DNAAF9: variants seen among roughly 807,000 people sequenced by gnomAD.
DNAAF9 encodes shulin.
In DNAAF9, 90 loss-of-function variants were observed where a neutral mutation model predicts 167.0. The observed-to-expected ratio is 0.54, with a 90% CI of 0.45 to 0.64. DNAAF9 has a LOEUF of 0.64. DNAAF9 is among the 30% of genes least tolerant of loss of function. The pLI, the probability that DNAAF9 is intolerant of heterozygous loss-of-function variation, is 0.00. For synonymous variants in DNAAF9, 491 were observed against 508.8 expected, an observed-to-expected ratio of 0.96 and a Z score of 0.47; for missense variants, 1,315 against 1,442.2, an observed-to-expected ratio of 0.91 and a Z score of 1.43.
chr20:3,271,626 T>C (rs2068594506), intron 29 of DNAAF9, among the ~76,000 whole-genome samples: 1 of 128,966 alleles, frequency 7.8e-6, no homozygotes, highest in South Asian at 2.3e-4. Flanking sequence ...TTACTTCTTC[T>C]TTTTTTTTTT....
rs2068203164 is a variant in DNAAF9, at chr20:3,252,125, T to C, written c.*447A>G. On this transcript the variant is annotated 3_prime_UTR_variant, in exon 37 of 37. Transcript: ENST00000252032. ...GAGGCAGGCACTCCACTGGGGAAGA[T>C]GGCTCTCGTGGAGCAGCATCTGAGG... The C allele has an allele frequency of 1.3e-5, 2 of 157,432 alleles. No homozygotes were observed. Among genetic ancestry groups the C allele is most frequent in the Admixed American group, 6.3e-5 (1 of 15,912 alleles). The allele number at this position is 157,432 out of a possible 1,614,324, so 9.8% of individuals were successfully genotyped here.
At chr20:3,383,463 T>C (rs2083691550) in intron 1 of DNAAF9, among the ~76,000 whole-genome samples, 1 of 151,904 alleles carries the variant, frequency 6.6e-6, no homozygotes, top group South Asian at 2.1e-4. Context: ...AGATGGAGTT[T>C]TGCCATGTTG....
chr20:3,274,022 C>T (rs776741588), intron 29 of DNAAF9, among the ~76,000 whole-genome samples: 23 of 152,078 alleles, frequency 1.5e-4, no homozygotes, highest in Admixed American at 3.3e-4. Flanking sequence ...AACATTTTAT[C>T]ATCCTAGTCC....
At chr20:3,325,820 G>C (rs2069700405) in intron 13 of DNAAF9, among the ~76,000 whole-genome samples, 1 of 151,438 alleles carries the variant, frequency 6.6e-6, no homozygotes, top group Non-Finnish European at 1.5e-5. Flanking sequence ...CTGAGTTATA[G>C]GAAATCAAAC....
chr20:3,279,428 G>A (rs958537293), intron 28 of DNAAF9, among the ~76,000 whole-genome samples: 2 of 152,160 alleles, frequency 1.3e-5, no homozygotes, highest in Non-Finnish European at 2.9e-5. Context: ...TGAAAAGCAG[G>A]AAACTGACCA....
At chr20:3,381,011 G>T (rs946601691) in intron 3 of DNAAF9, among the ~76,000 whole-genome samples, 1 of 152,180 alleles carries the variant, frequency 6.6e-6, no homozygotes, top group Non-Finnish European at 1.5e-5. Flanking sequence ...CTGCCTGCAG[G>T]CCCATCCTTA....
intron 21 of DNAAF9, among the ~76,000 whole-genome samples, chr20:3,300,199 C>T (rs975108513): frequency 1.7e-4 from 26 of 152,160 alleles, no homozygotes; most frequent in African/African-American, 4.3e-4. Flanking sequence ...CCACTGCGCC[C>T]GGCAGCGTTT....
At chr20:3,319,547 C>T (rs2123043461) in intron 16 of DNAAF9, among the ~76,000 whole-genome samples, 1 of 152,264 alleles carries the variant, frequency 6.6e-6, no homozygotes, top group East Asian at 1.9e-4. Context: ...AGCACAAGGA[C>T]CTGTCCCCTC....
At position 3,281,652 on chromosome 20, in the gene DNAAF9, G is replaced by A; in HGVS notation, c.2601C>T (p.Tyr867=). The part of the protein sequence containing the change: ...ITACVEPMSC[Y]MEHRFLFPKC... The stretch of plus-strand genomic sequence containing the variant: ...TATCCTGTATCTACCTGTGCTCCAT[G>A]TAGCAGCTCATGGGCTCCACACATG... The change falls in exon 28 of 37, where the codon TAC becomes TAT. Residue 867 remains tyrosine (Y), a synonymous_variant. Coordinates refer to ENST00000252032, the MANE Select transcript of DNAAF9 (RefSeq NM_001009984.3). The A allele has an allele frequency of 6.2e-7, 1 of 1,610,644 alleles. No individual in the cohort carries two copies. The highest frequency in any genetic ancestry group is 8.5e-7 in the Non-Finnish European group (1 of 1,178,812).
rs1411232073 is a variant in DNAAF9 at position 3,251,258 on chromosome 20, C to G, written c.*1314G>C. 1 of 151,908 alleles carries G rather than the reference C, an allele frequency of 6.6e-6. No homozygotes were observed. Among genetic ancestry groups the G allele is most frequent in the East Asian group, 1.9e-4 (1 of 5,198 alleles). The allele number at this position is 151,908 out of a possible 1,614,324, so 9.4% of individuals were successfully genotyped here. ...ACTACATGTGCTCCATCTTGTCTCT[C>G]CGCTGCTCCAGGGGCCTTGCTCAAA... On this transcript the variant is annotated 3_prime_UTR_variant, in exon 37 of 37. Transcript: ENST00000252032.
intron 27 of DNAAF9, among the ~76,000 whole-genome samples, chr20:3,283,468 C>T (rs939239540): frequency 3.3e-5 from 5 of 152,230 alleles, no homozygotes; most frequent in Non-Finnish European, 1.5e-5. Flanking sequence ...CCTGACAGCC[C>T]TCTGCTCACA....
intron 1 of DNAAF9, among the ~76,000 whole-genome samples, chr20:3,402,523 C>G (rs1442734106): frequency 6.6e-6 from 1 of 152,112 alleles, no homozygotes; most frequent in Admixed American, 6.6e-5. Context: ...CAACATCTCC[C>G]CATCCCCGCT....
At chr20:3,298,841 T>C (rs1263085997) in intron 21 of DNAAF9, among the ~76,000 whole-genome samples, 2 of 152,126 alleles carry the variant, frequency 1.3e-5, no homozygotes, top group African/African-American at 2.4e-5. Context: ...CAAGAAATCA[T>C]TGCCAAATCC....
rs2068766333 is a variant in DNAAF9 at position 3,281,680 on chromosome 20, G to C, written c.2573C>G (p.Thr858Arg). 1 of 1,612,986 alleles carries C rather than the reference G, an allele frequency of 6.2e-7. No homozygotes were observed. The highest frequency in any genetic ancestry group is 1.3e-5 in the African/African-American group (1 of 74,880). ...VKASFTIGAI[T>R]ACVEPMSCYM... ...GCAGCTCATGGGCTCCACACATGCTGTGATGGCACCAATGGTGAAGGAGGC... is the reference window on the plus strand; with the variant it reads ...GCAGCTCATGGGCTCCACACATGCTCTGATGGCACCAATGGTGAAGGAGGC... The change falls in exon 28 of 37, where the codon ACA becomes AGA. Residue 858 changes from threonine to arginine, a missense_variant. Physicochemically the swap from Thr to Arg is moderately conservative, Grantham distance 71. Transcript: ENST00000252032.
chr20:3,363,520 C>T (rs1600860813), intron 6 of DNAAF9, among the ~76,000 whole-genome samples: 1 of 144,998 alleles, frequency 6.9e-6, no homozygotes, highest in Admixed American at 7.0e-5. Context: ...AAGATTAATG[C>T]AAAGCAAACT....
At chr20:3,271,195 A>G (rs1019418623) in intron 29 of DNAAF9, among the ~76,000 whole-genome samples, 41 of 152,126 alleles carry the variant, frequency 2.7e-4, no homozygotes, top group African/African-American at 9.9e-4. Flanking sequence ...TGTATTTAGC[A>G]TCATCAGGAA....
Position 3,315,853 on chromosome 20 carries a change from C to T in DNAAF9, c.1540-68G>A, listed in dbSNP as rs2069492140. On this transcript the variant is annotated intron_variant, in intron 18 of 36. Coordinates refer to ENST00000252032, the MANE Select transcript of DNAAF9 (RefSeq NM_001009984.3). The surrounding 1 kb of genome is among the most constrained non-coding windows in gnomAD (Gnocchi z 4.1). ...GGGAAAACCCTGCTAGGTCTCCCCA[C>T]TGTGTTCAAATATTTCCAGGACACT... The T allele has an allele frequency of 8.6e-7, 1 of 1,163,634 alleles. No homozygotes were observed. The highest frequency in any genetic ancestry group is 1.3e-6 in the Non-Finnish European group (1 of 768,760). The allele number at this position is 1,163,634 out of a possible 1,614,324, so 72.1% of individuals were successfully genotyped here. A position where few individuals can be genotyped will look rare whatever the true frequency, so the allele number is the denominator to read the frequency against.
At chr20:3,347,605 T>C (rs1388421676) in intron 8 of DNAAF9, among the ~76,000 whole-genome samples, 1 of 152,152 alleles carries the variant, frequency 6.6e-6, no homozygotes, top group African/African-American at 2.4e-5. Context: ...TAAGGAAACA[T>C]AAGAGCATTG....
chr20:3,356,224 G>C (rs1410719818), intron 7 of DNAAF9, among the ~76,000 whole-genome samples: 2 of 152,086 alleles, frequency 1.3e-5, no homozygotes, highest in East Asian at 3.9e-4. Context: ...CACCATGTTG[G>C]CCAGGCTGGT....
Sources: gnomAD v4.1 joint callset for allele counts (sites outside exome capture counted in the v4.1 genomes callset) on GRCh38, gnomAD v4.1.1 for gene constraint, Gnocchi (gnomAD v3.1) non-coding constraint, MANE v1.5 for transcripts, NCBI Gene and HGNC (gene_info 2026-07-23, HGNC 2026-07-21) for gene names.